Variants in FAT3 observed in about 807,000 individuals in gnomAD.
The protein encoded by FAT3 is protocadherin Fat 3.
FAT3 carries 95 observed loss-of-function variants against 310.2 expected under a neutral mutation model. That is an observed-to-expected ratio of 0.31 (90% CI 0.26 to 0.36). FAT3 has a LOEUF of 0.36. Among genes scored for constraint, FAT3 ranks in the 10% least tolerant of loss-of-function variants. The pLI, the probability that FAT3 is intolerant of heterozygous loss-of-function variation, is 1.00. For missense variants in FAT3, 5,408 were observed against 5,715.6 expected, an observed-to-expected ratio of 0.95 and a Z score of 1.74; for synonymous variants, 2,314 against 2,192.9, an observed-to-expected ratio of 1.06 and a Z score of -1.54.
At chr11:92,373,760 GCACACACACACACACA>G (rs57651290) in intron 2 of FAT3, among the ~76,000 whole-genome samples, 25,653 of 129,976 alleles carry the variant, frequency 0.2, 2,611 homozygotes, top group African/African-American at 0.27. Context: ...AGATATGTAT[GCACACACACACACACA>G]CACACACACA....
intron 2 of FAT3, among the ~76,000 whole-genome samples, chr11:92,524,097 C>T (rs998614400): frequency 6.6e-6 from 1 of 152,084 alleles, no homozygotes; most frequent in Non-Finnish European, 1.5e-5. Context: ...GAGGGTTACA[C>T]CTTTGCAGGC....
chr11:92,391,137 C>T (rs753506328), intron 2 of FAT3, among the ~76,000 whole-genome samples: 7 of 152,188 alleles, frequency 4.6e-5, no homozygotes, highest in Non-Finnish European at 8.8e-5. Flanking sequence ...AGGTAGAAGT[C>T]AGCAGATTTG....
chr11:92,770,190 C>T (rs1946423240), intron 6 of FAT3, among the ~76,000 whole-genome samples: 1 of 152,172 alleles, frequency 6.6e-6, no homozygotes, highest in South Asian at 2.1e-4. Flanking sequence ...ATAAGCCTCT[C>T]ATTTTTCCAT....
At chr11:92,510,238 C>G (rs116462251) in intron 2 of FAT3, among the ~76,000 whole-genome samples, 1,615 of 152,280 alleles carry the variant, frequency 0.011, 30 homozygotes, top group African/African-American at 0.037. Flanking sequence ...TCACTTCACA[C>G]AAGCCATGTC....
chr11:92,806,463 A>T lies in FAT3; in HGVS notation c.9195A>T (p.Arg3065=). ...ATATTGGATCCAATGGATATATACG[A>T]TACTCACTCTATGGATCTGGAAACA... The part of the protein sequence containing the change: ...DADIGSNGYI[R]YSLYGSGNSE... The change falls in exon 12 of 28, where the codon CGA becomes CGT. Residue 3065 remains arginine (R), a synonymous_variant. Transcript: ENST00000525166. The T allele has an allele frequency of 6.3e-7, 1 of 1,575,520 alleles. No individual in the cohort carries two copies. Among genetic ancestry groups the T allele is most frequent in the Non-Finnish European group, 8.6e-7 (1 of 1,158,532 alleles).
At chr11:92,394,950 A>G (rs1289865666) in intron 2 of FAT3, among the ~76,000 whole-genome samples, 1 of 152,206 alleles carries the variant, frequency 6.6e-6, no homozygotes, top group Non-Finnish European at 1.5e-5. Context: ...CCATTAAGGC[A>G]GGGATGTCTG....
At chr11:92,836,766 AC>A in intron 16 of FAT3, 63 bp downstream of exon 16, 1 of 1,571,936 alleles carries the variant, frequency 6.4e-7, no homozygotes, top group Non-Finnish European at 8.6e-7. Context: ...AATCAGGGGC[AC>A]AAGCTCCACG....
intron 13 of FAT3, among the ~76,000 whole-genome samples, chr11:92,819,806 T>C (rs1006247848): frequency 1.3e-5 from 2 of 152,216 alleles, no homozygotes; most frequent in African/African-American, 4.8e-5. Flanking sequence ...TGATTTATAC[T>C]GGTTACAAAA....
At chr11:92,528,364 G>A (rs1953945385) in intron 3 of FAT3, among the ~76,000 whole-genome samples, 1 of 152,164 alleles carries the variant, frequency 6.6e-6, no homozygotes, top group Non-Finnish European at 1.5e-5. Context: ...ATACCATCAG[G>A]CCGGTGTTCA....
At chr11:92,590,228 G>A (rs1186560454) in intron 3 of FAT3, among the ~76,000 whole-genome samples, 6 of 152,056 alleles carry the variant, frequency 3.9e-5, no homozygotes, top group Non-Finnish European at 7.4e-5. Flanking sequence ...ATATAGGGGA[G>A]GCACAGATTA....
chr11:92,456,256 A>G (rs771520461), intron 2 of FAT3, among the ~76,000 whole-genome samples: 1 of 152,340 alleles, frequency 6.6e-6, no homozygotes, highest in Middle Eastern at 3.4e-3. Flanking sequence ...TGTCTGGTCC[A>G]TGGTAAATGT....
chr11:92,679,452 C>T (rs1303641975), intron 3 of FAT3, among the ~76,000 whole-genome samples: 2 of 152,032 alleles, frequency 1.3e-5, no homozygotes, highest in African/African-American at 4.8e-5. Context: ...TCCACGTCCT[C>T]ATCAACACCT....
chr11:92,596,789 T>G (rs1366565452), intron 3 of FAT3, among the ~76,000 whole-genome samples: 1 of 152,208 alleles, frequency 6.6e-6, no homozygotes, highest in Non-Finnish European at 1.5e-5. Context: ...GTAAGGCCAA[T>G]GGAATTCTGG....
intron 6 of FAT3, among the ~76,000 whole-genome samples, chr11:92,771,772 A>C (rs1329042906): frequency 6.6e-6 from 1 of 152,066 alleles, no homozygotes; most frequent in Non-Finnish European, 1.5e-5. Flanking sequence ...TAAAAAAAAA[A>C]AAAACATAAA....
At chr11:92,504,296 C>T (rs1953035104) in intron 2 of FAT3, among the ~76,000 whole-genome samples, 1 of 152,066 alleles carries the variant, frequency 6.6e-6, no homozygotes. Flanking sequence ...GTAATTTTTC[C>T]ACCCATCTTT....
intron 2 of FAT3, among the ~76,000 whole-genome samples, chr11:92,489,796 T>C (rs1952547826): frequency 6.6e-6 from 1 of 152,098 alleles, no homozygotes; most frequent in South Asian, 2.1e-4. Context: ...AAATACATTA[T>C]GACACAGCTC....
At chr11:92,574,463 A>G (rs985042045) in intron 3 of FAT3, among the ~76,000 whole-genome samples, 1 of 152,054 alleles carries the variant, frequency 6.6e-6, no homozygotes, top group Non-Finnish European at 1.5e-5. Context: ...GTGCCTCTGA[A>G]CCTGGGGCTT....
At chr11:92,501,182 C>A (rs1052606226) in intron 2 of FAT3, among the ~76,000 whole-genome samples, 3 of 151,998 alleles carry the variant, frequency 2.0e-5, no homozygotes, top group African/African-American at 7.2e-5. Context: ...ATTATAGTAA[C>A]CATCAAACTA....
intron 3 of FAT3, among the ~76,000 whole-genome samples, chr11:92,590,608 T>G (rs1009531402): frequency 6.6e-6 from 1 of 152,152 alleles, no homozygotes; most frequent in Non-Finnish European, 1.5e-5. Context: ...TGACCAAATG[T>G]AAAGAGGCTA....
Sources: allele counts gnomAD v4.1 joint callset (sites outside exome capture counted in the v4.1 genomes callset), GRCh38; gene constraint gnomAD v4.1.1; transcripts MANE v1.5; gene names NCBI Gene and HGNC (gene_info 2026-07-23, HGNC 2026-07-21).